Variants in VPS37A observed in about 807,000 individuals in gnomAD.
VPS37A encodes the protein vacuolar protein sorting-associated protein 37A.
In VPS37A, 30 loss-of-function variants were observed where a neutral mutation model predicts 49.8. The ratio of observed to expected loss-of-function variants is 0.60; its 90% CI spans 0.45 to 0.82. The LOEUF is 0.82. Among genes scored for constraint, VPS37A ranks in the 40% least tolerant of loss-of-function variants. The pLI, the probability that VPS37A is intolerant of heterozygous loss-of-function variation, is 0.00. For missense variants in VPS37A, 593 were observed against 464.4 expected (o/e 1.28, Z -2.55); for synonymous variants, 195 against 160.6 (o/e 1.21, Z -1.62).
intron 4 of VPS37A, 130 bp from the exon 5 acceptor site, chr8:17,274,603 A>G: frequency 1.7e-6 from 1 of 590,734 alleles, no homozygotes; most frequent in Admixed American, 3.2e-5. Context: ...ATAATTTAAT[A>G]AATATCACCT....
chr8:17,300,039 A>G (rs932726089), downstream of VPS37A: 1 of 1,614,122 alleles, frequency 6.2e-7, no homozygotes. Context: ...TTAGAATCAG[A>G]GCAGAATCTT....
chr8:17,271,413 G>T (rs1339646986), intron 4 of VPS37A, among the ~76,000 whole-genome samples: 2 of 152,110 alleles, frequency 1.3e-5, no homozygotes, highest in Non-Finnish European at 2.9e-5. Context: ...AGACCATCCT[G>T]GCTAACACGG....
intron 9 of VPS37A, among the ~76,000 whole-genome samples, chr8:17,282,736 TAAAA>T (rs923462188): frequency 6.6e-6 from 1 of 151,470 alleles, no homozygotes; most frequent in Non-Finnish European, 1.5e-5. Flanking sequence ...TTCAAACACT[TAAAA>T]AAAAGACACA....
chr8:17,267,713 G>T (rs566454583), intron 2 of VPS37A, among the ~76,000 whole-genome samples: 37 of 152,250 alleles, frequency 2.4e-4, no homozygotes, highest in South Asian at 2.1e-4. Context: ...GTTTTTCAAA[G>T]ATGAGGTCTC....
At position 17,280,449 on chromosome 8, in the gene VPS37A, A is replaced by C; in HGVS notation, c.969+6A>C. 1 of 1,587,434 alleles carries C rather than the reference A, an allele frequency of 6.3e-7. No homozygotes were observed. The highest frequency in any genetic ancestry group is 8.5e-7 in the Non-Finnish European group (1 of 1,172,692). ...GGCAGCATGAACTTAGTGAGGTAAG[A>C]CTGTTTATTTTTTTCCCTTTGCCAT... On this transcript the variant is annotated splice_donor_region_variant and intron_variant, in intron 9 of 11. Transcript: ENST00000324849.
chr8:17,307,280 A>T (rs13267343), downstream of VPS37A, among the ~76,000 whole-genome samples: 13 of 152,154 alleles, frequency 8.5e-5, no homozygotes, highest in Non-Finnish European at 1.5e-4. Context: ...AAGACACATG[A>T]AAAAATGCTC....
At chr8:17,311,057 G>C in the VPS37A span, among the ~76,000 whole-genome samples, 1 of 152,120 alleles carries the variant, frequency 6.6e-6, no homozygotes, top group Non-Finnish European at 1.5e-5. Flanking sequence ...GGGTGTGAAG[G>C]ACTACTTAAA....
At chr8:17,254,332 C>T (rs986818135) in intron 1 of VPS37A, among the ~76,000 whole-genome samples, 3 of 152,032 alleles carry the variant, frequency 2.0e-5, no homozygotes, top group African/African-American at 4.8e-5. Flanking sequence ...GAGGAGTCTC[C>T]GCTAGCTTAG....
intron 6 of VPS37A, chr8:17,279,775 G>C (rs781761846): frequency 3.8e-6 from 2 of 529,280 alleles, no homozygotes; most frequent in South Asian, 3.1e-5. Flanking sequence ...AAAGAAAGTA[G>C]ATATATCGAT....
chr8:17,272,893 A>G (rs1210822714), intron 4 of VPS37A, among the ~76,000 whole-genome samples: 1 of 151,864 alleles, frequency 6.6e-6, no homozygotes, highest in East Asian at 1.9e-4. Context: ...TTTCCTCATT[A>G]GCATCTAAAG....
At chr8:17,330,904 G>C in the VPS37A span, among the ~76,000 whole-genome samples, 1 of 152,114 alleles carries the variant, frequency 6.6e-6, no homozygotes, top group Admixed American at 6.6e-5. Flanking sequence ...TGTGCACTTT[G>C]ACCTTAGATG....
intron 1 of VPS37A, among the ~76,000 whole-genome samples, chr8:17,254,387 A>T (rs995426481): frequency 6.6e-6 from 1 of 152,172 alleles, no homozygotes; most frequent in African/African-American, 2.4e-5. Context: ...ACTGCTATTT[A>T]CCAGCAACAA....
chr8:17,284,407 T>G (rs1815391342), intron 9 of VPS37A, 66 bp from the exon 10 acceptor site: 7 of 1,503,516 alleles, frequency 4.7e-6, no homozygotes, highest in Non-Finnish European at 6.2e-6. Flanking sequence ...CTACCTTACT[T>G]CCTTTCCCTG....
At chr8:17,262,372 G>T (rs1185978143) in intron 1 of VPS37A, among the ~76,000 whole-genome samples, 1 of 152,136 alleles carries the variant, frequency 6.6e-6, no homozygotes, top group African/African-American at 2.4e-5. Context: ...GACTATCAAA[G>T]AAATGAGGAT....
intron 1 of VPS37A, 70 bp from the exon 2 acceptor site, chr8:17,265,837 A>C: frequency 1.2e-6 from 2 of 1,609,872 alleles, no homozygotes; most frequent in Non-Finnish European, 1.7e-6. Flanking sequence ...AGATTCTAGC[A>C]CTTAACATTG....
chr8:17,269,564 C>T lies in VPS37A; in HGVS notation c.416+608C>T, dbSNP rs914076653. Among the ~76,000 whole-genome samples the T allele has an allele frequency of 2.6e-5, 4 of 152,136 alleles. No individual in the cohort carries two copies. The East Asian group carries it at 5.8e-4, about 22-fold the overall frequency. On this transcript the variant is annotated intron_variant, in intron 4 of 11. Coordinates refer to ENST00000324849, the MANE Select transcript of VPS37A (RefSeq NM_152415.3). ...ATCCTTTAAACCATTTTTTTCATAT[C>T]AAACCAGTAAGATAATACCTGGGTT...
chr8:17,256,289 G>GTTT (rs1405488050), intron 1 of VPS37A, among the ~76,000 whole-genome samples: 5 of 75,390 alleles, frequency 6.6e-5, no homozygotes, highest in South Asian at 5.5e-4. Flanking sequence ...GGGGTAAAAT[G>GTTT]ATTTTTTTTT....
chr8:17,299,683 AC>A (rs1816971885), downstream of VPS37A: 1 of 746,238 alleles, frequency 1.3e-6, no homozygotes, highest in African/African-American at 1.8e-5. Context: ...TGAAATGACT[AC>A]GTCCTCTTCA....
At chr8:17,311,686 G>C in the VPS37A span, 4 of 1,611,812 alleles carry the variant, frequency 2.5e-6, no homozygotes, top group Non-Finnish European at 3.4e-6. Flanking sequence ...CTGTAAAAAG[G>C]CAGAACCTCT....
Sources: gnomAD v4.1 joint callset for allele counts (sites outside exome capture counted in the v4.1 genomes callset) on GRCh38, gnomAD v4.1.1 for gene constraint, MANE v1.5 for transcripts, NCBI Gene and HGNC (gene_info 2026-07-23, HGNC 2026-07-21) for gene names.